The following NPTXR variants were observed in gnomAD, a reference collection of about 807,000 sequenced individuals.
The protein encoded by NPTXR is neuronal pentraxin receptor.
A neutral mutation model predicts 32.2 loss-of-function variants in NPTXR; 12 were observed. The ratio of observed to expected loss-of-function variants is 0.37; its 90% CI spans 0.24 to 0.60. The LOEUF (loss-of-function observed/expected upper bound fraction) is 0.60, where lower values mean the gene tolerates loss of function less well. Ranked by LOEUF, NPTXR falls within the 20% of genes least tolerant of loss-of-function variation. The pLI, the probability that NPTXR is intolerant of heterozygous loss-of-function variation, is 0.66. For missense variants in NPTXR, 612 were observed against 682.9 expected (o/e 0.90, Z 1.16); for synonymous variants, 323 against 315.8 (o/e 1.02, Z -0.24).
In NPTXR at chr22:38,843,547, C is replaced by G. The variant is rs905798735; in HGVS notation, c.312G>C (p.Pro104=). ...CCGCGTCCCCCTGCTGGGCCCCCGA[C>G]GGGCAGGCAGCAGCCAGCGGCGTGC... The change falls in exon 1 of 5, where the codon CCG becomes CCC. Residue 104 remains proline (P), a synonymous_variant. Coordinates refer to ENST00000333039, the MANE Select transcript of NPTXR (RefSeq NM_014293.4). The surrounding 1 kb of genome is among the most constrained non-coding windows in gnomAD (Gnocchi z 5.3). 4.0e-6 allele frequency: 5 copies of G among 1,244,298 alleles called. No individual in the cohort carries two copies. Among genetic ancestry groups the G allele is most frequent in the Non-Finnish European group, 5.0e-6 (5 of 995,654 alleles). The allele number at this position is 1,244,298 out of a possible 1,614,324, so 77.1% of individuals were successfully genotyped here.
chr22:38,840,358 G>T (rs1324571767), intron 1 of NPTXR, among the ~76,000 whole-genome samples: 1 of 152,106 alleles, frequency 6.6e-6, no homozygotes, highest in Non-Finnish European at 1.5e-5. Context: ...TGAGAGAGGG[G>T]TCAGGAGCGG....
intron 1 of NPTXR, among the ~76,000 whole-genome samples, chr22:38,833,410 T>C (rs1325532442): frequency 6.6e-6 from 1 of 152,060 alleles, no homozygotes; most frequent in Non-Finnish European, 1.5e-5. Flanking sequence ...GCCCCTCACC[T>C]CCCCCATCCA....
chr22:38,823,648 C>T (rs1423912719), intron 3 of NPTXR, among the ~76,000 whole-genome samples: 1 of 152,214 alleles, frequency 6.6e-6, no homozygotes, highest in African/African-American at 2.4e-5. Context: ...GCCTTGGACT[C>T]AGAGGCCAGG....
At chr22:38,841,431 G>A (rs1156597660) in intron 1 of NPTXR, among the ~76,000 whole-genome samples, 1 of 152,268 alleles carries the variant, frequency 6.6e-6, no homozygotes, top group Non-Finnish European at 1.5e-5. Context: ...AATGCTGCAG[G>A]TGCTGGGGGC....
chr22:38,826,960 TC>T, intron 2 of NPTXR, among the ~76,000 whole-genome samples: 1 of 152,050 alleles, frequency 6.6e-6, no homozygotes, highest in East Asian at 1.9e-4. Flanking sequence ...AAATCTCGTC[TC>T]CCCCACTTCC....
chr22:38,839,699 C>G (rs1468950837), intron 1 of NPTXR, among the ~76,000 whole-genome samples: 1 of 151,044 alleles, frequency 6.6e-6, no homozygotes, highest in African/African-American at 2.4e-5. Context: ...AGTAATACCA[C>G]TCCTGGGAAT....
intron 1 of NPTXR, among the ~76,000 whole-genome samples, chr22:38,840,717 G>A (rs1232638909): frequency 1.3e-5 from 2 of 152,210 alleles, no homozygotes; most frequent in Non-Finnish European, 1.5e-5. Flanking sequence ...GCTGGACACT[G>A]AGTTTGGTTT....
rs777309805 is a variant in NPTXR at position 38,822,799 on chromosome 22, G to T, written c.1313C>A (p.Ala438Asp). The stretch of plus-strand genomic sequence containing the variant: ...AAACTGGGCAATGTCACCGACAAAG[G>T]CCTGGGTGGCATCAAACCGGCCACC... The change falls in exon 5 of 5, where the codon GCC (alanine) becomes GAC (aspartate). Residue 438 changes from alanine (A) to aspartate (D), a missense_variant. Ala to Asp is a moderately radical substitution (Grantham distance 126). Coordinates refer to ENST00000333039, the MANE Select transcript of NPTXR (RefSeq NM_014293.4). The T allele has an allele frequency of 8.7e-6, 14 of 1,614,118 alleles. No individual in the cohort carries two copies. The highest frequency in any genetic ancestry group is 1.2e-5 in the Non-Finnish European group (14 of 1,179,998).
intron 3 of NPTXR, 23 bp downstream of exon 3, chr22:38,826,477 C>T: frequency 1.3e-6 from 2 of 1,583,090 alleles, no homozygotes; most frequent in Non-Finnish European, 1.7e-6. Flanking sequence ...CCCCAGCCAG[C>T]CCTCCCTGCC....
At position 38,843,118 on chromosome 22, in the gene NPTXR, CG is replaced by C; in HGVS notation, c.624+116del. 4 of 1,040,374 alleles carry C rather than the reference CG, an allele frequency of 3.8e-6. No homozygotes were observed. The highest frequency in any genetic ancestry group is 4.9e-6 in the Non-Finnish European group (4 of 816,410). The allele number at this position is 1,040,374 out of a possible 1,614,324, so 64.4% of individuals were successfully genotyped here. ...CCCCCCGCCTCGCCAGCGAGGAAGG[CG>C]CGATCGTCCCCGGAACACAGACGGG... On this transcript the variant is annotated intron_variant, in intron 1 of 4. Coordinates refer to ENST00000333039, the MANE Select transcript of NPTXR (RefSeq NM_014293.4). This position sits in a 1 kb window ranked among gnomAD's most constrained non-coding sequence, Gnocchi z 5.3.
At position 38,823,158 on chromosome 22, in the gene NPTXR, C is replaced by T; in HGVS notation, c.1203G>A (p.Leu401=). ...CAGCCAGGTTCTCACCGGAGCCCTG[C>T]AGCTCCCCGTCCTGGTAGGCAGACC... is the stretch of plus-strand genomic sequence containing the variant. The change falls in exon 4 of 5, where the codon CTG becomes CTA. Residue 401 remains leucine, a synonymous_variant. Transcript: ENST00000333039. 11 of 1,614,092 alleles carry T rather than the reference C, an allele frequency of 6.8e-6. No individual in the cohort carries two copies. The highest frequency in any genetic ancestry group is 9.3e-6 in the Non-Finnish European group (11 of 1,179,988).
Position 38,826,655 on chromosome 22 carries a change from C to G in NPTXR, c.943G>C (p.Glu315Gln), listed in dbSNP as rs750717348. ...ATGCAGGCGGTGAATGCGTAGAGCT[C>G]GGGCAGAGCCTTCCGCACGCGGGCG... The change falls in exon 3 of 5, where the codon GAG (glutamate) becomes CAG (glutamine). Residue 315 changes from glutamate (E) to glutamine (Q), a missense_variant. By Grantham distance (29) the Glu-to-Gln change is conservative. Transcript: ENST00000333039. 3.1e-6 allele frequency: 5 copies of G among 1,614,242 alleles called. No homozygotes were observed. In the African/African-American group the frequency reaches 5.3e-5, roughly 17 times the overall value.
At chr22:38,824,992 A>AT (rs1480012936) in intron 3 of NPTXR, among the ~76,000 whole-genome samples, 1 of 152,084 alleles carries the variant, frequency 6.6e-6, no homozygotes, top group Non-Finnish European at 1.5e-5. Flanking sequence ...GGTGGGTACG[A>AT]TATGTGGTAT....
rs970031656 is a variant in NPTXR at position 38,820,536 on chromosome 22, T to C, written c.*2073A>G. 3 of 152,156 alleles carry C rather than the reference T, an allele frequency of 2.0e-5. No homozygotes were observed. The highest frequency in any genetic ancestry group is 7.2e-5 in the African/African-American group (3 of 41,418). 9.4% of individuals were successfully genotyped at this position (152,156 alleles called of 1,614,324 possible). A position where few individuals can be genotyped will look rare whatever the true frequency, so the allele number is the denominator to read the frequency against. On this transcript the variant is annotated 3_prime_UTR_variant, in exon 5 of 5. Transcript: ENST00000333039. ...ACTAGCAGGGGAGGGACACCTCAGC[T>C]CTCCATTCTGCCGAAGCGCCCAGGG... is the stretch of plus-strand genomic sequence containing the variant.
At chr22:38,837,291 G>C (rs970388170) in intron 1 of NPTXR, among the ~76,000 whole-genome samples, 1 of 152,180 alleles carries the variant, frequency 6.6e-6, no homozygotes, top group Non-Finnish European at 1.5e-5. Flanking sequence ...GGCTGGAGGG[G>C]GCACTGTGGG....
Position 38,819,972 on chromosome 22 carries a change from G to A in NPTXR, c.*2637C>T, listed in dbSNP as rs1376442766. 1 of 152,630 alleles carries A rather than the reference G, an allele frequency of 6.6e-6. No individual in the cohort carries two copies. Among genetic ancestry groups the A allele is most frequent in the Non-Finnish European group, 1.5e-5 (1 of 68,038 alleles). 9.5% of individuals were successfully genotyped at this position (152,630 alleles called of 1,614,324 possible). A position where few individuals can be genotyped will look rare whatever the true frequency, so the allele number is the denominator to read the frequency against. The stretch of plus-strand genomic sequence containing the variant: ...ACTGTGACAAAGCATAAAGGACTTG[G>A]GGTTGAGCGTGTGTGTGGGCTCAAG... On this transcript the variant is annotated 3_prime_UTR_variant, in exon 5 of 5. Transcript: ENST00000333039.
At chr22:38,839,291 T>C (rs2093128824) in intron 1 of NPTXR, among the ~76,000 whole-genome samples, 1 of 152,234 alleles carries the variant, frequency 6.6e-6, no homozygotes, top group South Asian at 2.1e-4. Context: ...CACACATGCA[T>C]GGCCTGTAGC....
rs531580573 is a variant in NPTXR at position 38,843,207 on chromosome 22, G to A, written c.624+28C>T. ...GGGCGGCCCCTCACACCACCCGGGCGGCTCCCCCGACGGCGCGCGGCGCTC... is the reference window on the plus strand; with the variant it reads ...GGGCGGCCCCTCACACCACCCGGGCAGCTCCCCCGACGGCGCGCGGCGCTC... On this transcript the variant is annotated intron_variant, in intron 1 of 4. Coordinates refer to ENST00000333039, the MANE Select transcript of NPTXR (RefSeq NM_014293.4). This position sits in a 1 kb window ranked among gnomAD's most constrained non-coding sequence, Gnocchi z 5.3. 7 of 1,298,108 alleles carry A rather than the reference G, an allele frequency of 5.4e-6. No homozygotes were observed. In the African/African-American group the frequency reaches 7.8e-5, roughly 14 times the overall value. 80.4% of individuals were successfully genotyped at this position (1,298,108 alleles called of 1,614,324 possible). A position where few individuals can be genotyped will look rare whatever the true frequency, so the allele number is the denominator to read the frequency against.
At chr22:38,836,449 C>T (rs1003968677) in intron 1 of NPTXR, among the ~76,000 whole-genome samples, 6 of 152,236 alleles carry the variant, frequency 3.9e-5, no homozygotes, top group African/African-American at 9.6e-5. Context: ...CGTGGGTACA[C>T]GCAATAAGCC....
Sources: allele counts gnomAD v4.1 joint callset (sites outside exome capture counted in the v4.1 genomes callset), GRCh38; gene constraint gnomAD v4.1.1; non-coding constraint Gnocchi (gnomAD v3.1); transcripts MANE v1.5; gene names NCBI Gene and HGNC (gene_info 2026-07-23, HGNC 2026-07-21).